Variants in MAP3K1 observed in about 807,000 individuals in gnomAD.
MAP3K1 encodes mitogen-activated protein kinase kinase kinase 1.
MAP3K1 carries 36 observed loss-of-function variants against 144.2 expected under a neutral mutation model. That is an observed-to-expected ratio of 0.25 (90% CI 0.19 to 0.33). The LOEUF (loss-of-function observed/expected upper bound fraction) is 0.33. Ranked by LOEUF, MAP3K1 falls within the 10% of genes least tolerant of loss-of-function variation. The probability of loss-of-function intolerance (pLI) is 1.00; values close to 1 mark genes in which losing one functional copy is unlikely to be tolerated. For synonymous variants in MAP3K1, 718 were observed against 688.7 expected (o/e 1.04, Z -0.67); for missense variants, 1,650 against 1,881.9 (o/e 0.88, Z 2.28).
intron 1 of MAP3K1, among the ~76,000 whole-genome samples, chr5:56,835,758 G>A (rs1746635280): frequency 6.6e-6 from 1 of 151,964 alleles, no homozygotes; most frequent in Admixed American, 6.6e-5. Context: ...AGATGGCACA[G>A]AGAGGAAAAA....
In MAP3K1 at chr5:56,865,862, C is replaced by T. The variant is rs1490957244; in HGVS notation, c.1186C>T (p.Arg396Cys). The stretch of plus-strand genomic sequence containing the variant: ...TTTGTTCCAGAAATATCACAGTAGG[C>T]GTAGCTCAAGGATCAAAGCTCCATC... ...ESLFQKYHSR[R>C]SSRIKAPSRN... Residue 396 changes from arginine to cysteine, a missense_variant, in exon 6 of 20, where the codon CGT becomes TGT. Transcript: ENST00000399503. 1.9e-6 allele frequency: 3 copies of T among 1,613,992 alleles called. No individual in the cohort carries two copies. The highest frequency in any genetic ancestry group is 2.5e-6 in the Non-Finnish European group (3 of 1,179,878).
intron 1 of MAP3K1, among the ~76,000 whole-genome samples, chr5:56,826,375 G>A (rs1447587597): frequency 6.6e-6 from 1 of 152,138 alleles, no homozygotes; most frequent in African/African-American, 2.4e-5. Flanking sequence ...CATTGTACAT[G>A]TAGTCAGGTC....
intron 17 of MAP3K1, among the ~76,000 whole-genome samples, chr5:56,887,092 G>T (rs1748399416): frequency 6.6e-6 from 1 of 152,106 alleles, no homozygotes; most frequent in Non-Finnish European, 1.5e-5. Context: ...AGCAAATTTG[G>T]TTTTCTGTCA....
At chr5:56,840,870 G>GTT (rs5868031) in intron 1 of MAP3K1, among the ~76,000 whole-genome samples, 2,143 of 138,316 alleles carry the variant, frequency 0.015, 19 homozygotes, top group Non-Finnish European at 0.025. Context: ...AATTGTTAAG[G>GTT]TTTTTTTTTT....
At position 56,815,773 on chromosome 5, in the gene MAP3K1, G is replaced by C. The variant is rs1745928225; in HGVS notation, c.200G>C (p.Ser67Thr). Residue 67 changes from serine to threonine, a missense_variant, in exon 1 of 20, where the codon AGT becomes ACT. Ser to Thr is a moderately conservative substitution (Grantham distance 58, BLOSUM62 1). Coordinates refer to ENST00000399503, the MANE Select transcript of MAP3K1 (RefSeq NM_005921.2). ...CGGCGGCAGCTGCGCAAAGTGCGGAGTGTGGAGCTGGACCAGCTGCCTGAG... is the reference window on the plus strand; with the variant it reads ...CGGCGGCAGCTGCGCAAAGTGCGGACTGTGGAGCTGGACCAGCTGCCTGAG... ...WRRRQLRKVRSVELDQLPEQP... is the reference protein window; with the variant it reads ...WRRRQLRKVRTVELDQLPEQP... 1.4e-6 allele frequency: 2 copies of C among 1,413,406 alleles called. No individual in the cohort carries two copies. Among genetic ancestry groups the C allele is most frequent in the African/African-American group, 3.0e-5 (2 of 67,450 alleles). 87.6% of individuals were successfully genotyped at this position (1,413,406 alleles called of 1,614,324 possible).
chr5:56,882,329 C>T lies in MAP3K1; in HGVS notation c.3129C>T (p.Ser1043=), dbSNP rs2111945903. 1 of 1,614,144 alleles carries T rather than the reference C, an allele frequency of 6.2e-7. No individual in the cohort carries two copies. The highest frequency in any genetic ancestry group is 8.5e-7 in the Non-Finnish European group (1 of 1,180,024). ...CPENKDSDKL[S]PVFTQSRPLP... is the part of the protein sequence containing the mutation. ...AAAACAAAGACTCAGATAAACTTTC[C>T]CCAGTCTTTACTCAGTCAAGACCCT... Residue 1043 remains serine, a synonymous_variant, in exon 14 of 20, where the codon TCC becomes TCT. Transcript: ENST00000399503.
At position 56,882,039 on chromosome 5, in the gene MAP3K1, AC is replaced by A. The variant is rs1234750219; in HGVS notation, c.2840del (p.Thr947LysfsTer21). On this transcript the variant is annotated frameshift_variant, in exon 14 of 20. Transcript: ENST00000399503. LOFTEE classifies it high-confidence loss of function. ...GPSSSTTTTTTTTEQPKPMVQ... is the reference protein window; with the variant it reads ...GPSSSTTTTTXTTEQPKPMVQ... The stretch of plus-strand genomic sequence containing the variant: ...TTCTAGTTCAACAACAACAACAACA[AC>A]AACAACAGAGCAACCAAAGCCAATG... The A allele has an allele frequency of 4.3e-6, 7 of 1,613,818 alleles. No individual in the cohort carries two copies. Among genetic ancestry groups the A allele is most frequent in the Middle Eastern group, 1.6e-4 (1 of 6,082 alleles).
intron 14 of MAP3K1, 32 bp downstream of exon 14, chr5:56,882,898 C>T (rs1425274436): frequency 1.3e-6 from 2 of 1,549,190 alleles, no homozygotes; most frequent in East Asian, 4.5e-5. Flanking sequence ...GGTTAGAAAA[C>T]TTCCTTGGGG....
intron 1 of MAP3K1, among the ~76,000 whole-genome samples, chr5:56,832,909 G>T (rs564411668): frequency 1.3e-5 from 2 of 152,304 alleles, no homozygotes; most frequent in East Asian, 3.9e-4. Flanking sequence ...GTCTCGCTCT[G>T]TCACCAGGCT....
chr5:56,836,448 G>A (rs1290017888), intron 1 of MAP3K1, among the ~76,000 whole-genome samples: 2 of 152,116 alleles, frequency 1.3e-5, no homozygotes, highest in Non-Finnish European at 2.9e-5. Flanking sequence ...TTTTTAGAGA[G>A]TTAATTTCGG....
intron 1 of MAP3K1, chr5:56,820,603 T>G: frequency 1.0e-6 from 1 of 984,990 alleles, no homozygotes; most frequent in Non-Finnish European, 1.2e-6. Context: ...TTTATTGATT[T>G]GTGCTGTATT....
chr5:56,868,006 C>T (rs904568963), intron 6 of MAP3K1, among the ~76,000 whole-genome samples: 1 of 152,068 alleles, frequency 6.6e-6, no homozygotes, highest in African/African-American at 2.4e-5. Context: ...TATGCATGAA[C>T]CCAGTTTTAT....
intron 1 of MAP3K1, among the ~76,000 whole-genome samples, chr5:56,823,366 G>A (rs1746213331): frequency 6.6e-6 from 1 of 152,118 alleles, no homozygotes; most frequent in South Asian, 2.1e-4. Flanking sequence ...TCAGCTCCTC[G>A]TTGTTAAAAT....
chr5:56,823,418 C>T (rs1173758405), intron 1 of MAP3K1, among the ~76,000 whole-genome samples: 3 of 152,226 alleles, frequency 2.0e-5, no homozygotes, highest in African/African-American at 7.2e-5. Flanking sequence ...TTCCCTCATC[C>T]ACCCAGACTG....
intron 14 of MAP3K1, 55 bp downstream of exon 14, chr5:56,882,921 A>G: frequency 7.2e-7 from 1 of 1,388,380 alleles, no homozygotes; most frequent in South Asian, 1.2e-5. Flanking sequence ...GGGCACAGTG[A>G]CTCATACCTG....
In MAP3K1 at chr5:56,882,486, G is replaced by C; in HGVS notation, c.3286G>C (p.Gly1096Arg). ...NSSSKCDDSF[G>R]CSSNSSNAVI... ...TAGTTCCAAATGTGATGACAGCTTT[G>C]GCTGTAGCAGCAATAGTAGTAATGC... Residue 1096 changes from glycine (G) to arginine (R), a missense_variant, in exon 14 of 20, where the codon GGC (glycine) becomes CGC (arginine). Physicochemically the swap from Gly to Arg is moderately radical, Grantham distance 125 (BLOSUM62 -2). Coordinates refer to ENST00000399503, the MANE Select transcript of MAP3K1 (RefSeq NM_005921.2). The C allele has an allele frequency of 6.2e-7, 1 of 1,614,096 alleles. No homozygotes were observed. Among genetic ancestry groups the C allele is most frequent in the Non-Finnish European group, 8.5e-7 (1 of 1,180,004 alleles).
rs1561202145 is a variant in MAP3K1 at position 56,884,715 on chromosome 5, C to T, written c.3871C>T (p.Leu1291=). 1.2e-6 allele frequency: 2 copies of T among 1,613,774 alleles called. No homozygotes were observed. Among genetic ancestry groups the T allele is most frequent in the Non-Finnish European group, 1.7e-6 (2 of 1,179,852 alleles). ...SSEQEEVVEA[L]REEIRMMSHL... is the part of the protein sequence containing the mutation. The stretch of plus-strand genomic sequence containing the variant: ...TGAGCAAGAAGAAGTAGTAGAAGCA[C>T]TAAGAGAAGAGATAAGAATGATGAG... Residue 1291 remains leucine, a synonymous_variant, in exon 16 of 20, where the codon CTA becomes TTA. Transcript: ENST00000399503.
At chr5:56,851,538 T>C (rs1747173013) in intron 1 of MAP3K1, among the ~76,000 whole-genome samples, 1 of 152,238 alleles carries the variant, frequency 6.6e-6, no homozygotes, top group South Asian at 2.1e-4. Context: ...TGCTTCTGCA[T>C]CCCTGTCTTT....
At chr5:56,849,827 T>C (rs1014951644) in intron 1 of MAP3K1, among the ~76,000 whole-genome samples, 4 of 152,240 alleles carry the variant, frequency 2.6e-5, no homozygotes, top group Non-Finnish European at 5.9e-5. Flanking sequence ...CTTGTAAATA[T>C]TCATTTTCCT....
Sources: gnomAD v4.1 joint callset for allele counts (sites outside exome capture counted in the v4.1 genomes callset) on GRCh38, gnomAD v4.1.1 for gene constraint, MANE v1.5 for transcripts, NCBI Gene and HGNC (gene_info 2026-07-23, HGNC 2026-07-21) for gene names.